The following CDADC1 variants were observed in gnomAD, a reference collection of about 807,000 sequenced individuals.
CDADC1 encodes the protein dCTP deaminase.
CDADC1 carries 39 observed loss-of-function variants against 54.9 expected under a neutral mutation model. The ratio of observed to expected loss-of-function variants is 0.71; its 90% CI spans 0.55 to 0.93. The LOEUF (loss-of-function observed/expected upper bound fraction) is 0.93. Among genes scored for constraint, CDADC1 ranks in the 40% least tolerant of loss-of-function variants. The probability of loss-of-function intolerance (pLI) is 0.00; values close to 1 mark genes in which losing one functional copy is unlikely to be tolerated. For missense variants in CDADC1, 518 were observed against 618.8 expected (o/e 0.84, Z 1.73); for synonymous variants, 186 against 204.0 (o/e 0.91, Z 0.75).
intron 8 of CDADC1, 31 bp downstream of exon 8, chr13:49,280,729 T>C: frequency 6.9e-7 from 1 of 1,443,082 alleles, no homozygotes; most frequent in South Asian, 1.5e-5. Flanking sequence ...TTCAGGTGTA[T>C]TTTGTATTAT....
chr13:49,257,693 C>T (rs749669457), intron 3 of CDADC1, among the ~76,000 whole-genome samples: 7 of 152,130 alleles, frequency 4.6e-5, no homozygotes, highest in East Asian at 1.9e-4. Context: ...ACCCGGGAGG[C>T]GGAGCTTGCA....
intron 5 of CDADC1, among the ~76,000 whole-genome samples, 171 bp downstream of exon 5, chr13:49,268,230 A>T (rs539572296): frequency 7.4e-4 from 113 of 152,294 alleles, no homozygotes; most frequent in Non-Finnish European, 1.3e-3. Context: ...TTCTCCCAGC[A>T]GTTTTGGGAT....
At chr13:49,248,160 C>G in intron 1 of CDADC1, 41 bp downstream of exon 1, 1 of 1,492,196 alleles carries the variant, frequency 6.7e-7, no homozygotes, top group Non-Finnish European at 9.1e-7. Context: ...CTACCTTTCG[C>G]TCTGCCCTGT....
chr13:49,282,063 C>T (rs1220029173), intron 8 of CDADC1, among the ~76,000 whole-genome samples: 1 of 152,054 alleles, frequency 6.6e-6, no homozygotes, highest in Non-Finnish European at 1.5e-5. Context: ...GGTGATACAC[C>T]GGCCTCGGCC....
At chr13:49,264,063 T>C (rs1358855166) in intron 4 of CDADC1, among the ~76,000 whole-genome samples, 1 of 152,232 alleles carries the variant, frequency 6.6e-6, no homozygotes, top group Non-Finnish European at 1.5e-5. Context: ...TTAAATAAAC[T>C]GTTAGGCACA....
At chr13:49,275,689 TTATATATATA>T (rs371106804) in intron 6 of CDADC1, among the ~76,000 whole-genome samples, 3,083 of 42,928 alleles carry the variant, frequency 0.072, 239 homozygotes, top group Non-Finnish European at 0.082. Flanking sequence ...TTTCTAGGTG[TTATATATATA>T]TATATATATA....
chr13:49,280,240 T>C (rs1480259245), intron 7 of CDADC1, among the ~76,000 whole-genome samples: 1 of 152,194 alleles, frequency 6.6e-6, no homozygotes, highest in African/African-American at 2.4e-5. Context: ...TCATTTATTT[T>C]GTAATCTGAA....
At chr13:49,289,915 C>G (rs1268376776) in intron 9 of CDADC1, among the ~76,000 whole-genome samples, 1 of 152,080 alleles carries the variant, frequency 6.6e-6, no homozygotes, top group Non-Finnish European at 1.5e-5. Flanking sequence ...GCATGGTGGC[C>G]TGTGCCTGTA....
chr13:49,265,735 TA>T, intron 4 of CDADC1: 1 of 447,538 alleles, frequency 2.2e-6, no homozygotes, highest in Non-Finnish European at 3.4e-6. Context: ...ATATTCCACA[TA>T]AATAAAAGCT....
At chr13:49,262,391 T>G (rs1256530175) in intron 4 of CDADC1, among the ~76,000 whole-genome samples, 1 of 152,066 alleles carries the variant, frequency 6.6e-6, no homozygotes, top group African/African-American at 2.4e-5. Context: ...TGCGGTGAGC[T>G]GTGATCGTGC....
intron 6 of CDADC1, among the ~76,000 whole-genome samples, chr13:49,275,728 GAGAGAGAGAGAGAGAGAGAGA>G (rs1953109725): frequency 1.6e-4 from 2 of 12,132 alleles, no homozygotes; most frequent in African/African-American, 7.6e-4. Flanking sequence ...TATATATATA[GAGAGAGAGAGAGAGAGAGAGA>G]GAGAGAGAGA....
intron 4 of CDADC1, among the ~76,000 whole-genome samples, chr13:49,266,869 G>A (rs1222809501): frequency 1.3e-5 from 2 of 152,148 alleles, no homozygotes; most frequent in Non-Finnish European, 2.9e-5. Flanking sequence ...ATTTATTCCA[G>A]ATAGAAAACT....
intron 4 of CDADC1, among the ~76,000 whole-genome samples, chr13:49,262,059 A>G (rs764720249): frequency 6.6e-6 from 1 of 152,218 alleles, no homozygotes; most frequent in Non-Finnish European, 1.5e-5. Flanking sequence ...TACCTCAGTT[A>G]TAAGGCAAAG....
chr13:49,286,989 G>A (rs549028960), intron 9 of CDADC1, among the ~76,000 whole-genome samples: 4 of 152,288 alleles, frequency 2.6e-5, no homozygotes, highest in Non-Finnish European at 5.9e-5. Context: ...TCAGGAGTTC[G>A]AGATCAGCTT....
chr13:49,278,688 C>T (rs781170458), intron 7 of CDADC1, among the ~76,000 whole-genome samples, 169 bp downstream of exon 7: 2 of 152,194 alleles, frequency 1.3e-5, no homozygotes, highest in African/African-American at 2.4e-5. Context: ...GAAGCTATGA[C>T]CTGACCTGAG....
At chr13:49,290,577 G>A (rs947469259) in intron 9 of CDADC1, among the ~76,000 whole-genome samples, 4 of 152,164 alleles carry the variant, frequency 2.6e-5, no homozygotes, top group Non-Finnish European at 5.9e-5. Context: ...CTCAGGGCAG[G>A]AAATCCCTCA....
chr13:49,269,568 G>T (rs1283199637), intron 5 of CDADC1, among the ~76,000 whole-genome samples: 1 of 152,096 alleles, frequency 6.6e-6, no homozygotes, highest in Non-Finnish European at 1.5e-5. Context: ...TCTATTGTGG[G>T]TTATATATTT....
Position 49,292,797 on chromosome 13 carries a change from G to A in CDADC1, c.*1040G>A. ...TCCTAGGTTAGAGAGGGGTGGCCTG[G>A]GGTGCTTCATGAGAAATGTCTTCCT... On this transcript the variant is annotated 3_prime_UTR_variant, in exon 10 of 10. Coordinates refer to ENST00000251108, the MANE Select transcript of CDADC1 (RefSeq NM_030911.4). 1 of 1,280,434 alleles carries A rather than the reference G, an allele frequency of 7.8e-7. No individual in the cohort carries two copies. The highest frequency in any genetic ancestry group is 1.0e-6 in the Non-Finnish European group (1 of 984,832). The allele number at this position is 1,280,434 out of a possible 1,614,324, so 79.3% of individuals were successfully genotyped here. A position where few individuals can be genotyped will look rare whatever the true frequency, so the allele number is the denominator to read the frequency against.
At chr13:49,264,127 T>G (rs1326837891) in intron 4 of CDADC1, among the ~76,000 whole-genome samples, 1 of 152,204 alleles carries the variant, frequency 6.6e-6, no homozygotes, top group East Asian at 1.9e-4. Context: ...GTCACACAAA[T>G]CCCCAAATAT....
Sources: gnomAD v4.1 joint callset for allele counts (sites outside exome capture counted in the v4.1 genomes callset) on GRCh38, gnomAD v4.1.1 for gene constraint, MANE v1.5 for transcripts, NCBI Gene and HGNC (gene_info 2026-07-23, HGNC 2026-07-21) for gene names.